Variants in GRIP1 observed in about 807,000 individuals in gnomAD.
GRIP1 encodes glutamate receptor interacting protein 1.
Under a neutral mutation model 129.9 loss-of-function variants are expected in GRIP1, and 45 were observed. That is an observed-to-expected ratio of 0.35 (90% CI 0.27 to 0.44). The LOEUF (loss-of-function observed/expected upper bound fraction) is 0.44. Among genes scored for constraint, GRIP1 ranks in the 20% least tolerant of loss-of-function variants. The pLI is 1.00. For synonymous variants in GRIP1, 530 were observed against 520.8 expected (o/e 1.02, Z -0.24); for missense variants, 1,196 against 1,396.8 (o/e 0.86, Z 2.29).
chr12:66,788,092 C>A (rs925712673), intron 1 of GRIP1, among the ~76,000 whole-genome samples: 2 of 151,970 alleles, frequency 1.3e-5, no homozygotes, highest in Non-Finnish European at 2.9e-5. Context: ...TCATGGGGCA[C>A]AAGACAGATT....
chr12:66,840,853 C>A (rs2039702943), intron 1 of GRIP1, among the ~76,000 whole-genome samples: 1 of 152,064 alleles, frequency 6.6e-6, no homozygotes, highest in Admixed American at 6.6e-5. Context: ...GCCCAGTGAG[C>A]CTCTTTTTGT....
chr12:66,485,544 A>G (rs2059930743), intron 7 of GRIP1, among the ~76,000 whole-genome samples: 1 of 151,944 alleles, frequency 6.6e-6, no homozygotes, highest in African/African-American at 2.4e-5. Flanking sequence ...TACCATTTCA[A>G]TGCTTAAAGG....
At chr12:66,631,762 G>A (rs2030811809) in intron 1 of GRIP1, among the ~76,000 whole-genome samples, 1 of 152,210 alleles carries the variant, frequency 6.6e-6, no homozygotes, top group Non-Finnish European at 1.5e-5. Flanking sequence ...TGAGTCAGTT[G>A]ATATAGAAAT....
At chr12:66,914,105 TAAG>T (rs1424765148) in intron 1 of GRIP1, among the ~76,000 whole-genome samples, 4 of 152,162 alleles carry the variant, frequency 2.6e-5, no homozygotes, top group Non-Finnish European at 5.9e-5. Context: ...CTATGAGAAA[TAAG>T]GAGACATTTT....
upstream of GRIP1, among the ~76,000 whole-genome samples, chr12:66,683,262 C>T (rs2034654469): frequency 6.6e-6 from 1 of 152,066 alleles, no homozygotes; most frequent in East Asian, 1.9e-4. Flanking sequence ...CAACCATGAG[C>T]TCAAACATGT....
chr12:66,559,363 G>C (rs192140861), intron 2 of GRIP1, among the ~76,000 whole-genome samples: 1 of 152,000 alleles, frequency 6.6e-6, no homozygotes, highest in East Asian at 1.9e-4. Context: ...GAAGCAAAAG[G>C]CATCCAAATC....
chr12:66,679,267 GT>G, upstream of GRIP1: 1 of 531,908 alleles, frequency 1.9e-6, no homozygotes, highest in South Asian at 2.6e-5. Flanking sequence ...AGTGCATTCT[GT>G]TTAAGGCAAA....
chr12:66,966,860 C>T (rs931540743), intron 1 of GRIP1, among the ~76,000 whole-genome samples: 1 of 152,098 alleles, frequency 6.6e-6, no homozygotes, highest in Non-Finnish European at 1.5e-5. Context: ...CGCTTCCTTG[C>T]CCTTTCCACA....
At chr12:66,658,715 G>A (rs1466300730) in intron 1 of GRIP1, among the ~76,000 whole-genome samples, 2 of 151,906 alleles carry the variant, frequency 1.3e-5, no homozygotes, top group African/African-American at 4.8e-5. Context: ...TTGAGACCTG[G>A]GCAACACAGG....
At chr12:66,875,904 G>A (rs981845211) in intron 1 of GRIP1, among the ~76,000 whole-genome samples, 2 of 152,012 alleles carry the variant, frequency 1.3e-5, no homozygotes, top group African/African-American at 4.8e-5. Flanking sequence ...TGGGAATACA[G>A]CCTCTGCAAA....
At chr12:66,682,729 G>A (rs779590134), upstream of GRIP1, among the ~76,000 whole-genome samples, 6 of 152,086 alleles carry the variant, frequency 3.9e-5, no homozygotes, top group South Asian at 6.2e-4. Context: ...AACCAAAAAT[G>A]TTCTGCCATA....
intron 1 of GRIP1, chr12:67,064,983 A>C (rs966609883): frequency 2.9e-5 from 4 of 138,224 alleles, no homozygotes; most frequent in Non-Finnish European, 6.0e-5. Flanking sequence ...ATTCCCACCT[A>C]TGAGTGAGAA....
At chr12:66,356,729 A>G (rs1023827301) in intron 23 of GRIP1, among the ~76,000 whole-genome samples, 4 of 152,134 alleles carry the variant, frequency 2.6e-5, no homozygotes, top group African/African-American at 7.2e-5. Context: ...ACTTCAGTAT[A>G]CACCTCCAAA....
intron 1 of GRIP1, among the ~76,000 whole-genome samples, chr12:66,829,611 T>A (rs1177818786): frequency 6.6e-6 from 1 of 152,192 alleles, no homozygotes; most frequent in Non-Finnish European, 1.5e-5. Context: ...CAAATCTAGT[T>A]AAATTTTGTC....
At chr12:66,693,175 G>C (rs2035037927) in intron 1 of GRIP1, among the ~76,000 whole-genome samples, 1 of 152,124 alleles carries the variant, frequency 6.6e-6, no homozygotes, top group Non-Finnish European at 1.5e-5. Context: ...TGAATGACAG[G>C]GTGATGTCTA....
At chr12:66,980,027 T>C (rs1048590060) in intron 1 of GRIP1, among the ~76,000 whole-genome samples, 2 of 152,058 alleles carry the variant, frequency 1.3e-5, no homozygotes, top group Admixed American at 6.5e-5. Flanking sequence ...ACTACAATGA[T>C]TATGTTAGGA....
At chr12:66,401,946 C>T (rs2057016604) in intron 16 of GRIP1, among the ~76,000 whole-genome samples, 1 of 152,114 alleles carries the variant, frequency 6.6e-6, no homozygotes, top group South Asian at 2.1e-4. Context: ...GTTTTAAGTC[C>T]TCTAATGGCC....
chr12:66,697,341 A>G (rs2035199000), intron 1 of GRIP1, among the ~76,000 whole-genome samples: 1 of 152,212 alleles, frequency 6.6e-6, no homozygotes, highest in Admixed American at 6.5e-5. Context: ...AAATATGTTA[A>G]TATGTGCAAA....
Position 66,710,726 on chromosome 12 carries a change from C to T in GRIP1, c.-419-80390G>A, listed in dbSNP as rs550640604. The stretch of plus-strand genomic sequence containing the variant: ...AATCTTAACATAAATAATGCAAGAT[C>T]GATAACACAGTAAGCCAAATTGCAT... On this transcript the variant is annotated intron_variant, in intron 1 of 4. Coordinates refer to the GRIP1 transcript ENST00000538373. 4.6e-5 allele frequency among the ~76,000 whole-genome samples: 7 copies of T among 151,858 alleles called. No individual in the cohort carries two copies. The South Asian group carries it at 8.3e-4, about 18-fold the overall frequency.
Sources: gnomAD v4.1 joint callset for allele counts (sites outside exome capture counted in the v4.1 genomes callset) on GRCh38, gnomAD v4.1.1 for gene constraint, MANE v1.5 for transcripts, NCBI Gene and HGNC (gene_info 2026-07-23, HGNC 2026-07-21) for gene names.